The following SLC30A3 variants were observed in gnomAD, a reference collection of about 807,000 sequenced individuals.
The protein encoded by SLC30A3 is solute carrier family 30 member 3, also known as probable proton-coupled zinc antiporter SLC30A3.
A neutral mutation model predicts 35.6 loss-of-function variants in SLC30A3; 20 were observed. The ratio of observed to expected loss-of-function variants is 0.56; its 90% CI spans 0.39 to 0.82. The LOEUF (loss-of-function observed/expected upper bound fraction) is 0.82. Among genes scored for constraint, SLC30A3 ranks in the 40% least tolerant of loss-of-function variants. SLC30A3 has a pLI of 0.00. For missense variants in SLC30A3, 401 were observed against 530.6 expected, an observed-to-expected ratio of 0.76 and a Z score of 2.40; for synonymous variants, 217 against 224.7, an observed-to-expected ratio of 0.97 and a Z score of 0.31.
At chr2:27,268,882 G>A (rs1677609476) in intron 1 of SLC30A3, among the ~76,000 whole-genome samples, 1 of 152,164 alleles carries the variant, frequency 6.6e-6, no homozygotes, top group Non-Finnish European at 1.5e-5. Context: ...CATGCTTTAA[G>A]AACAGTGATC....
chr2:27,264,864 T>C (rs1353402874), upstream of SLC30A3, among the ~76,000 whole-genome samples: 2 of 152,234 alleles, frequency 1.3e-5, no homozygotes, highest in African/African-American at 2.4e-5. The surrounding 1 kb of genome is among the most constrained non-coding windows in gnomAD (Gnocchi z 6.1). Context: ...CCCAAGTCCC[T>C]GCTTAGCTAT....
chr2:27,260,842 G>A (rs1677143403), intron 1 of SLC30A3, among the ~76,000 whole-genome samples: 1 of 152,198 alleles, frequency 6.6e-6, no homozygotes, highest in Non-Finnish European at 1.5e-5. Flanking sequence ...GATTCTGGAT[G>A]TGTTTCCAGA....
chr2:27,275,364 C>T (rs1677968097), upstream of SLC30A3: 1 of 513,830 alleles, frequency 1.9e-6, no homozygotes, highest in Non-Finnish European at 3.3e-6. Flanking sequence ...CTTCCCTGCG[C>T]GCGAAATAAG....
Position 27,263,034 on chromosome 2 carries a change from G to A in SLC30A3, c.-128C>T. On this transcript the variant is annotated 5_prime_UTR_variant, in exon 1 of 8. Transcript: ENST00000233535. ...GGCGGCGGGGCCACCAGAGTGGAGCGAACTGCAGCGACTGTGGCGCGCGGA... is the reference window on the plus strand; with the variant it reads ...GGCGGCGGGGCCACCAGAGTGGAGCAAACTGCAGCGACTGTGGCGCGCGGA... The A allele has an allele frequency of 7.2e-7, 1 of 1,380,116 alleles. No homozygotes were observed. The highest frequency in any genetic ancestry group is 9.3e-7 in the Non-Finnish European group (1 of 1,073,082). 85.5% of individuals were successfully genotyped at this position (1,380,116 alleles called of 1,614,324 possible).
chr2:27,254,798 AC>A lies in SLC30A3; in HGVS notation c.*513del. Reference sequence around the variant, plus strand: ...CACACACACACACACACACACACACACAGACAAAACCACAGGGCTAAGACAC... The same window carrying A: ...CACACACACACACACACACACACACAAGACAAAACCACAGGGCTAAGACAC... On this transcript the variant is annotated 3_prime_UTR_variant, in exon 8 of 8. Coordinates refer to ENST00000233535, the MANE Select transcript of SLC30A3 (RefSeq NM_003459.5). The A allele has an allele frequency of 3.6e-6, 1 of 280,384 alleles. No homozygotes were observed. The highest frequency in any genetic ancestry group is 6.8e-6 in the Non-Finnish European group (1 of 146,528). 17.4% of individuals were successfully genotyped at this position (280,384 alleles called of 1,614,324 possible).
upstream of SLC30A3, among the ~76,000 whole-genome samples, chr2:27,264,550 G>T: frequency 6.6e-6 from 1 of 152,180 alleles, no homozygotes; most frequent in Non-Finnish European, 1.5e-5. This position sits in a 1 kb window ranked among gnomAD's most constrained non-coding sequence, Gnocchi z 6.1. Context: ...ACTGTCCTGC[G>T]CCGCTGCTGC....
At chr2:27,267,841 A>AG (rs1677555190), upstream of SLC30A3, among the ~76,000 whole-genome samples, 1 of 151,804 alleles carries the variant, frequency 6.6e-6, no homozygotes, top group Non-Finnish European at 1.5e-5. Flanking sequence ...AGGCTGAGGC[A>AG]GGAGAATCAC....
At position 27,262,149 on chromosome 2, in the gene SLC30A3, C is replaced by T. The variant is rs1179409115; in HGVS notation, c.95+663G>A. 1 of 151,964 alleles carries T rather than the reference C, an allele frequency of 6.6e-6. No individual in the cohort carries two copies. The highest frequency in any genetic ancestry group is 2.0e-4 in the East Asian group (1 of 5,126). The allele number at this position is 151,964 out of a possible 1,614,324, so 9.4% of individuals were successfully genotyped here. ...CGCGTTGGCGGTTCTCCTGCCACCC[C>T]CGGCCCGCTGTCCCGGCCGCTCCGC... On this transcript the variant is annotated intron_variant, in intron 1 of 7. Transcript: ENST00000233535. This position sits in a 1 kb window ranked among gnomAD's most constrained non-coding sequence, Gnocchi z 7.5.
chr2:27,255,375 C>T lies in SLC30A3; in HGVS notation c.1104G>A (p.Gln368=). The change falls in exon 8 of 8, where the codon CAG becomes CAA. Residue 368 remains glutamine (Q), a synonymous_variant. Coordinates refer to ENST00000233535, the MANE Select transcript of SLC30A3 (RefSeq NM_003459.5). The surrounding 1 kb of genome is among the most constrained non-coding windows in gnomAD (Gnocchi z 5.2). ...CCATCTCCGGCTGATACTGCTCGAC[C>T]TGCAGGGTGCAGCTGGAGAATCCAA... ...SRFGFSSCTL[Q]VEQYQPEMAQ... 6.2e-7 allele frequency: 1 copy of T among 1,614,194 alleles called. No homozygotes were observed. The highest frequency in any genetic ancestry group is 8.5e-7 in the Non-Finnish European group (1 of 1,180,038).
At chr2:27,272,515 A>G (rs1267408334) in intron 1 of SLC30A3, among the ~76,000 whole-genome samples, 2 of 145,854 alleles carry the variant, frequency 1.4e-5, no homozygotes, top group Admixed American at 6.9e-5. Flanking sequence ...TTTTTTTGAG[A>G]CGGAGTCTCA....
Position 27,258,643 on chromosome 2 carries a change from G to T in SLC30A3, c.277+110C>A. On this transcript the variant is annotated intron_variant, in intron 2 of 7. Transcript: ENST00000233535. The surrounding 1 kb of genome is among the most constrained non-coding windows in gnomAD (Gnocchi z 4.0). ...CTGGGCACCCAGCTCCCCTATCCCA[G>T]CCATCCCCATCTCTGCATCTGCACC... 1 of 1,222,096 alleles carries T rather than the reference G, an allele frequency of 8.2e-7. No individual in the cohort carries two copies. The highest frequency in any genetic ancestry group is 1.2e-6 in the Non-Finnish European group (1 of 851,236). The allele number at this position is 1,222,096 out of a possible 1,614,324, so 75.7% of individuals were successfully genotyped here.
At chr2:27,267,947 A>C (rs957630043), upstream of SLC30A3, among the ~76,000 whole-genome samples, 28 of 151,452 alleles carry the variant, frequency 1.8e-4, no homozygotes, top group Non-Finnish European at 3.5e-4. Flanking sequence ...AAAAAAAAAA[A>C]CTCAAAAAAC....
upstream of SLC30A3, chr2:27,263,884 T>C (rs1209823335): frequency 2.1e-6 from 1 of 470,138 alleles, no homozygotes; most frequent in Non-Finnish European, 4.0e-6. Context: ...GGAGAGGGGC[T>C]GAGGGGCAGC....
chr2:27,263,976 G>C, upstream of SLC30A3: 1 of 1,207,820 alleles, frequency 8.3e-7, no homozygotes. Flanking sequence ...CCTCATTTGG[G>C]GGAAACTAAA....
rs956840892 is a variant in SLC30A3 at position 27,263,010 on chromosome 2, G to T, written c.-104C>A. The T allele has an allele frequency of 3.1e-4, 442 of 1,411,018 alleles. 5 individuals are homozygous for T. The East Asian group carries it at 0.013, about 43-fold the overall frequency. 87.4% of individuals were successfully genotyped at this position (1,411,018 alleles called of 1,614,324 possible). A position where few individuals can be genotyped will look rare whatever the true frequency, so the allele number is the denominator to read the frequency against. On this transcript the variant is annotated 5_prime_UTR_variant, in exon 1 of 8. Transcript: ENST00000233535. ...CGCCGACCCCCGGGATCCCCGCAGGGCGGCGGGGCCACCAGAGTGGAGCGA... is the reference window on the plus strand; with the variant it reads ...CGCCGACCCCCGGGATCCCCGCAGGTCGGCGGGGCCACCAGAGTGGAGCGA...
At chr2:27,268,670 G>A (rs190572886) in intron 1 of SLC30A3, among the ~76,000 whole-genome samples, 1 of 151,606 alleles carries the variant, frequency 6.6e-6, no homozygotes, top group East Asian at 1.9e-4. Context: ...GGAGAATGGC[G>A]TGAACTTGTG....
At position 27,255,981 on chromosome 2, in the gene SLC30A3, C is replaced by A; in HGVS notation, c.1018+405G>T. ...TTCAGCTTTTTTCTCAGCATTATAC[C>A]ATAAACATTTTTCATAGTTGCTGTA... is the stretch of plus-strand genomic sequence containing the variant. On this transcript the variant is annotated intron_variant, in intron 7 of 7. Transcript: ENST00000233535. This position sits in a 1 kb window ranked among gnomAD's most constrained non-coding sequence, Gnocchi z 5.2. The A allele has an allele frequency of 4.3e-6, 1 of 231,080 alleles. No individual in the cohort carries two copies. The allele number at this position is 231,080 out of a possible 1,614,324, so 14.3% of individuals were successfully genotyped here.
Position 27,262,223 on chromosome 2 carries a change from G to C in SLC30A3, c.95+589C>G, listed in dbSNP as rs1446490999. Reference sequence around the variant, plus strand: ...CCCCCGGCCCCGTCTGTGCGGAGCCGGGAATACCCCCGCTGCCCAGACCGC... The same window carrying C: ...CCCCCGGCCCCGTCTGTGCGGAGCCCGGAATACCCCCGCTGCCCAGACCGC... On this transcript the variant is annotated intron_variant, in intron 1 of 7. Coordinates refer to ENST00000233535, the MANE Select transcript of SLC30A3 (RefSeq NM_003459.5). The surrounding 1 kb of genome is among the most constrained non-coding windows in gnomAD (Gnocchi z 7.5). 6.6e-6 allele frequency: 1 copy of C among 152,046 alleles called. No homozygotes were observed. Among genetic ancestry groups the C allele is most frequent in the Non-Finnish European group, 1.5e-5 (1 of 68,048 alleles). 9.4% of individuals were successfully genotyped at this position (152,046 alleles called of 1,614,324 possible).
chr2:27,264,619 G>C (rs1194306477), upstream of SLC30A3, among the ~76,000 whole-genome samples: 2 of 152,142 alleles, frequency 1.3e-5, no homozygotes, highest in African/African-American at 4.8e-5. The surrounding 1 kb of genome is among the most constrained non-coding windows in gnomAD (Gnocchi z 6.1). Context: ...CCCCACCCCC[G>C]GCTGCGCCAG....
Sources: allele counts gnomAD v4.1 joint callset (sites outside exome capture counted in the v4.1 genomes callset), GRCh38; gene constraint gnomAD v4.1.1; non-coding constraint Gnocchi (gnomAD v3.1); transcripts MANE v1.5; gene names NCBI Gene and HGNC (gene_info 2026-07-23, HGNC 2026-07-21).